The following RUNDC3A variants were observed in gnomAD, a reference collection of about 807,000 sequenced individuals.
RUNDC3A encodes RUN domain-containing protein 3A.
Under a neutral mutation model 53.9 loss-of-function variants are expected in RUNDC3A, and 28 were observed. The observed-to-expected ratio is 0.52, with a 90% confidence interval of 0.38 to 0.71. The LOEUF is 0.71. RUNDC3A is among the 30% of genes least tolerant of loss of function. The probability of loss-of-function intolerance (pLI) is 0.00; values close to 1 mark genes in which losing one functional copy is unlikely to be tolerated. For synonymous variants in RUNDC3A, 232 were observed against 249.4 expected, an observed-to-expected ratio of 0.93 and a Z score of 0.66; for missense variants, 491 against 597.3, an observed-to-expected ratio of 0.82 and a Z score of 1.85.
Position 44,316,491 on chromosome 17 carries a change from G to T in RUNDC3A, c.1060G>T (p.Glu354Ter). The change falls in exon 9 of 11, where the codon GAG becomes TAG. Residue 354 changes from glutamate (E) to a stop codon, truncating the protein, a stop_gained. Coordinates refer to ENST00000426726, the MANE Select transcript of RUNDC3A (RefSeq NM_001144825.2). LOFTEE classifies it high-confidence loss of function. ...CTCACTGGGAACGCTTAATGGGGCC[G>T]AGGGCGCCAGCAACTCCAAGCTCTA... ...WPSLGTLNGA[E>*]GASNSKLYRR... is the part of the protein sequence containing the mutation. 1 of 1,612,636 alleles carries T rather than the reference G, an allele frequency of 6.2e-7. No individual in the cohort carries two copies. Among genetic ancestry groups the T allele is most frequent in the Non-Finnish European group, 8.5e-7 (1 of 1,179,666 alleles).
intron 2 of RUNDC3A, 33 bp from the exon 3 acceptor site, chr17:44,313,071 G>A: frequency 6.2e-7 from 1 of 1,609,900 alleles, no homozygotes; most frequent in South Asian, 1.1e-5. Flanking sequence ...AAACTCCCTG[G>A]TCTTGCTGAG....
chr17:44,314,515 G>A, intron 4 of RUNDC3A: 1 of 1,421,092 alleles, frequency 7.0e-7, no homozygotes, highest in Non-Finnish European at 9.2e-7. Context: ...GTAGCTCAGA[G>A]GGAGGAGTCG....
At chr17:44,317,043 C>G in intron 10 of RUNDC3A, 1 of 383,180 alleles carries the variant, frequency 2.6e-6, no homozygotes, top group Non-Finnish European at 4.7e-6. Context: ...TTAGTAGAGA[C>G]GGAGTTTCGC....
chr17:44,313,732 A>T, intron 4 of RUNDC3A: 3 of 1,261,682 alleles, frequency 2.4e-6, no homozygotes, highest in Non-Finnish European at 3.0e-6. Context: ...CCCAGGCTGG[A>T]GTGCGATGGC....
At chr17:44,310,695 G>GC in intron 1 of RUNDC3A, 1 of 985,530 alleles carries the variant, frequency 1.0e-6, no homozygotes, top group Non-Finnish European at 1.2e-6. Context: ...AGCAGCCACT[G>GC]CATCTCCTAT....
Position 44,316,487 on chromosome 17 carries a change from G to A in RUNDC3A, c.1056G>A (p.Gly352=), listed in dbSNP as rs762824530. 6.2e-6 allele frequency: 10 copies of A among 1,612,966 alleles called. No homozygotes were observed. Among genetic ancestry groups the A allele is most frequent in the Non-Finnish European group, 8.5e-6 (10 of 1,179,738 alleles). Residue 352 remains glycine, a synonymous_variant, in exon 9 of 11, where the codon GGG becomes GGA. Coordinates refer to ENST00000426726, the MANE Select transcript of RUNDC3A (RefSeq NM_001144825.2). ...NQWPSLGTLN[G]AEGASNSKLY... ...GGCCCTCACTGGGAACGCTTAATGG[G>A]GCCGAGGGCGCCAGCAACTCCAAGC...
chr17:44,316,685 G>A lies in RUNDC3A; in HGVS notation c.1158G>A (p.Leu386=), dbSNP rs1028568271. 6 of 1,550,200 alleles carry A rather than the reference G, an allele frequency of 3.9e-6. No homozygotes were observed. The South Asian group carries it at 4.8e-5, about 12-fold the overall frequency. ...EASLSSDSQR[L]GEGTRDEEPW... ...GTCTGAGCTCGGACTCCCAGCGCCT[G>A]GGAGAGGGCACGCGGGACGAGGAGC... The change falls in exon 10 of 11, where the codon CTG becomes CTA. Residue 386 remains leucine, a synonymous_variant. Transcript: ENST00000426726.
chr17:44,312,871 T>C (rs1252988358), intron 2 of RUNDC3A, among the ~76,000 whole-genome samples, 176 bp downstream of exon 2: 1 of 151,276 alleles, frequency 6.6e-6, no homozygotes, highest in Non-Finnish European at 1.5e-5. Context: ...CTGGCCCCCA[T>C]TCTGGGCCAT....
At chr17:44,310,325 A>G (rs2047726175) in intron 1 of RUNDC3A, among the ~76,000 whole-genome samples, 1 of 151,720 alleles carries the variant, frequency 6.6e-6, no homozygotes, top group African/African-American at 2.4e-5. Flanking sequence ...AGTGTCTGGC[A>G]CACAGAAAGA....
intron 4 of RUNDC3A, 163 bp from the exon 5 acceptor site, chr17:44,314,572 C>T: frequency 4.8e-6 from 7 of 1,443,926 alleles, no homozygotes; most frequent in Non-Finnish European, 6.3e-6. Context: ...GGTGCGAGCC[C>T]CAGGCTGAAG....
Position 44,315,992 on chromosome 17 carries a change from C to T in RUNDC3A, c.953+383C>T, listed in dbSNP as rs949011665. Among the ~76,000 whole-genome samples the T allele has an allele frequency of 6.6e-6, 1 of 152,074 alleles. No individual in the cohort carries two copies. Among genetic ancestry groups the T allele is most frequent in the African/African-American group, 2.4e-5 (1 of 41,396 alleles). ...CACAGGCTCACTGACCGTCATCATC[C>T]GCCGTGACCCCCGACCTCACCCCTG... On this transcript the variant is annotated intron_variant, in intron 8 of 10. Coordinates refer to ENST00000426726, the MANE Select transcript of RUNDC3A (RefSeq NM_001144825.2). This position sits in a 1 kb window ranked among gnomAD's most constrained non-coding sequence, Gnocchi z 6.1.
chr17:44,310,566 C>T, intron 1 of RUNDC3A: 1 of 296,356 alleles, frequency 3.4e-6, no homozygotes, highest in Non-Finnish European at 5.0e-6. Context: ...CTCAGTAACC[C>T]CCAGGCCCCT....
At position 44,315,116 on chromosome 17, in the gene RUNDC3A, G is replaced by C. The variant is rs1436713911; in HGVS notation, c.630-39G>C. 6.3e-7 allele frequency: 1 copy of C among 1,598,562 alleles called. No individual in the cohort carries two copies. The highest frequency in any genetic ancestry group is 8.5e-7 in the Non-Finnish European group (1 of 1,172,204). On this transcript the variant is annotated intron_variant, in intron 6 of 10. Transcript: ENST00000426726. The surrounding 1 kb of genome is among the most constrained non-coding windows in gnomAD (Gnocchi z 6.1). ...CGGCCAGCGCAGACGCGCGGGGGGAGGGGCGGGACCGGCCGTGCCCACTGC... is the reference window on the plus strand; with the variant it reads ...CGGCCAGCGCAGACGCGCGGGGGGACGGGCGGGACCGGCCGTGCCCACTGC...
At position 44,316,453 on chromosome 17, in the gene RUNDC3A, T is replaced by G. The variant is rs1262252894; in HGVS notation, c.1022T>G (p.Val341Gly). The change falls in exon 9 of 11, where the codon GTC (valine) becomes GGC (glycine). Residue 341 changes from valine to glycine, a missense_variant. By Grantham distance (109) the Val-to-Gly change is moderately radical. This residue lies in a region of RUNDC3A where 218 missense variants were observed against 208.2 expected (regional missense o/e 1.05). Transcript: ENST00000426726. ...QGSKELTTPLVNQWPSLGTLN... is the reference protein window; with the variant it reads ...QGSKELTTPLGNQWPSLGTLN... ...TCCAAGGAGCTCACTACACCCCTGG[T>G]CAATCAATGGCCCTCACTGGGAACG... The G allele has an allele frequency of 6.2e-7, 1 of 1,613,612 alleles. No homozygotes were observed. The highest frequency in any genetic ancestry group is 1.7e-5 in the Admixed American group (1 of 59,982).
At chr17:44,313,735 G>T (rs2047796800) in intron 4 of RUNDC3A, 1 of 1,254,392 alleles carries the variant, frequency 8.0e-7, no homozygotes, top group South Asian at 2.1e-5. Context: ...AGGCTGGAGT[G>T]CGATGGCGCG....
At chr17:44,316,886 A>C (rs1228054336) in intron 10 of RUNDC3A, among the ~76,000 whole-genome samples, 161 bp downstream of exon 10, 1 of 147,176 alleles carries the variant, frequency 6.8e-6, no homozygotes, top group Non-Finnish European at 1.5e-5. Context: ...GCAGTGGCGC[A>C]ATCTCAGCTC....
Position 44,315,525 on chromosome 17 carries a change from A to G in RUNDC3A, c.869A>G (p.Gln290Arg). The change falls in exon 8 of 11, where the codon CAG becomes CGG. Residue 290 changes from glutamine to arginine, a missense_variant. Gln to Arg is a conservative substitution (Grantham distance 43, BLOSUM62 1). Transcript: ENST00000426726. This position sits in a 1 kb window ranked among gnomAD's most constrained non-coding sequence, Gnocchi z 6.1. ...CTGGAGGCGGAGAACCGGCGGCTTC[A>G]GCTGCAGCTGGAGGAGGCGGCGGCG... The part of the protein sequence containing the change: ...KDLEAENRRL[Q>R]LQLEEAAAQN... 1 of 1,518,162 alleles carries G rather than the reference A, an allele frequency of 6.6e-7. No homozygotes were observed. The highest frequency in any genetic ancestry group is 2.1e-5 in the Admixed American group (1 of 47,358). 94.0% of individuals were successfully genotyped at this position (1,518,162 alleles called of 1,614,324 possible).
chr17:44,316,756 C>T (rs1278331231), intron 10 of RUNDC3A, 31 bp downstream of exon 10: 4 of 1,480,210 alleles, frequency 2.7e-6, no homozygotes, highest in Non-Finnish European at 3.7e-6. Context: ...ACCCAGTACC[C>T]CTCCAGAAAG....
At position 44,313,107 on chromosome 17, in the gene RUNDC3A, G is replaced by T; in HGVS notation, c.227G>T (p.Cys76Phe). The change falls in exon 3 of 11, where the codon TGT becomes TTT. Residue 76 changes from cysteine to phenylalanine, a missense_variant. By Grantham distance (205) the Cys-to-Phe change is radical. Coordinates refer to ENST00000426726, the MANE Select transcript of RUNDC3A (RefSeq NM_001144825.2). ...EQILSHRFKA[C>F]APAGPVSWFS... ...CCCCCTCCCTGCCCTGGCTCAGCCTGTGCCCCAGCAGGTCCAGTGAGCTGG... is the reference window on the plus strand; with the variant it reads ...CCCCCTCCCTGCCCTGGCTCAGCCTTTGCCCCAGCAGGTCCAGTGAGCTGG... 1 of 1,613,872 alleles carries T rather than the reference G, an allele frequency of 6.2e-7. No homozygotes were observed. Among genetic ancestry groups the T allele is most frequent in the Non-Finnish European group, 8.5e-7 (1 of 1,179,750 alleles).
Sources: allele counts gnomAD v4.1 joint callset (sites outside exome capture counted in the v4.1 genomes callset), GRCh38; gene constraint gnomAD v4.1.1; regional missense constraint gnomAD v4.1.1; non-coding constraint Gnocchi (gnomAD v3.1); transcripts MANE v1.5; gene names NCBI Gene and HGNC (gene_info 2026-07-23, HGNC 2026-07-21).